KCTD20: variants seen among roughly 807,000 people sequenced by gnomAD.
KCTD20 encodes potassium channel tetramerization domain containing 20.
KCTD20 carries 30 observed loss-of-function variants against 39.6 expected under a neutral mutation model. That is an observed-to-expected ratio of 0.76 (90% confidence interval 0.57 to 1.03). KCTD20 has a LOEUF of 1.03. Ranked by LOEUF, KCTD20 falls within the 50% of genes least tolerant of loss-of-function variation. The pLI, the probability that KCTD20 is intolerant of heterozygous loss-of-function variation, is 0.00. For missense variants in KCTD20, 422 were observed against 522.0 expected (o/e 0.81, Z 1.87); for synonymous variants, 162 against 180.6 (o/e 0.90, Z 0.83).
In KCTD20 at chr6:36,490,968, G is replaced by A. The variant is rs1448847751; in HGVS notation, c.*3793G>A. 6.6e-6 allele frequency: 1 copy of A among 152,246 alleles called. No homozygotes were observed. Among genetic ancestry groups the A allele is most frequent in the Non-Finnish European group, 1.5e-5 (1 of 68,040 alleles). 9.4% of individuals were successfully genotyped at this position (152,246 alleles called of 1,614,324 possible). ...TCATGGGAGATGGAGCCACATTTGT[G>A]TTCTGGGTGGGATCACTAGTGCAGG... On this transcript the variant is annotated 3_prime_UTR_variant, in exon 8 of 8. Coordinates refer to ENST00000373731, the MANE Select transcript of KCTD20 (RefSeq NM_173562.5).
At chr6:36,444,436 T>C (rs11757842) in intron 1 of KCTD20, among the ~76,000 whole-genome samples, 36,098 of 152,186 alleles carry the variant, frequency 0.24, 4,513 homozygotes, top group East Asian at 0.39. Flanking sequence ...TATTCCGATA[T>C]TGCTCTGATG....
At chr6:36,483,017 TGA>T (rs1776301518) in intron 6 of KCTD20, among the ~76,000 whole-genome samples, 2 of 147,186 alleles carry the variant, frequency 1.4e-5, no homozygotes, top group Non-Finnish European at 3.0e-5. Flanking sequence ...CTCAGGAGGC[TGA>T]GAGGCAGGAG....
chr6:36,484,864 G>T, intron 7 of KCTD20, 40 bp downstream of exon 7: 1 of 1,214,222 alleles, frequency 8.2e-7, no homozygotes, highest in Non-Finnish European at 1.2e-6. Context: ...ATTCAGGTTG[G>T]GTCTATTGCC....
intron 7 of KCTD20, among the ~76,000 whole-genome samples, chr6:36,485,244 A>G (rs1462412606): frequency 6.6e-6 from 1 of 152,078 alleles, no homozygotes; most frequent in African/African-American, 2.4e-5. Context: ...TGTTGTGCCT[A>G]TGATCCCAGC....
chr6:36,466,011 T>A (rs149182709), intron 1 of KCTD20, among the ~76,000 whole-genome samples: 1 of 152,136 alleles, frequency 6.6e-6, no homozygotes, highest in Non-Finnish European at 1.5e-5. Context: ...CAGAGTTGTG[T>A]TGACCAAAAA....
rs58609674 is a variant in KCTD20 at position 36,479,779 on chromosome 6, A to ATTTTT, written c.658+94_658+98dup. 53 of 268,386 alleles carry ATTTTT rather than the reference A, an allele frequency of 2.0e-4. 1 individual carries two copies. Among genetic ancestry groups the ATTTTT allele is most frequent in the Middle Eastern group, 1.2e-3 (1 of 816 alleles). 16.6% of individuals were successfully genotyped at this position (268,386 alleles called of 1,614,324 possible). On this transcript the variant is annotated intron_variant, in intron 5 of 7. Coordinates refer to ENST00000373731, the MANE Select transcript of KCTD20 (RefSeq NM_173562.5). ...CTTTCAGTTTTCTTGGAAGTCACCG[A>ATTTTT]TTTTTTTTTTTTTTTTTTTTTTTTT...
intron 1 of KCTD20, among the ~76,000 whole-genome samples, chr6:36,467,921 T>A (rs971257733): frequency 2.6e-5 from 4 of 152,168 alleles, no homozygotes; most frequent in Non-Finnish European, 5.9e-5. Flanking sequence ...ATATAGTATA[T>A]AATTTGTGTG....
intron 3 of KCTD20, among the ~76,000 whole-genome samples, chr6:36,478,529 ATTC>A (rs1201405456): frequency 6.6e-6 from 1 of 152,154 alleles, no homozygotes; most frequent in Non-Finnish European, 1.5e-5. Flanking sequence ...ATCATTAATT[ATTC>A]TTTGTATTGA....
At chr6:36,459,259 T>C (rs1016910825) in intron 1 of KCTD20, among the ~76,000 whole-genome samples, 1 of 152,000 alleles carries the variant, frequency 6.6e-6, no homozygotes, top group African/African-American at 2.4e-5. Context: ...TGTAGTGAGC[T>C]GAGATCATGC....
At chr6:36,470,019 G>A in intron 1 of KCTD20, 33 bp from the exon 2 acceptor site, 4 of 1,265,584 alleles carry the variant, frequency 3.2e-6, no homozygotes, top group Non-Finnish European at 4.2e-6. Context: ...TCTGTTTTGT[G>A]AGTTCTAAAT....
At chr6:36,466,106 T>A (rs1449415357) in intron 1 of KCTD20, among the ~76,000 whole-genome samples, 2 of 151,420 alleles carry the variant, frequency 1.3e-5, no homozygotes, top group Non-Finnish European at 2.9e-5. Flanking sequence ...GGAGTCTCTC[T>A]CTGTCACCCA....
intron 5 of KCTD20, among the ~76,000 whole-genome samples, chr6:36,481,243 G>A (rs773385053): frequency 2.0e-4 from 30 of 152,062 alleles, no homozygotes; most frequent in Non-Finnish European, 4.0e-4. Flanking sequence ...TTCAGAAGAG[G>A]TACTACAAAG....
At chr6:36,480,391 C>T (rs1285458599) in intron 5 of KCTD20, among the ~76,000 whole-genome samples, 1 of 145,840 alleles carries the variant, frequency 6.9e-6, no homozygotes, top group Non-Finnish European at 1.5e-5. Context: ...TGGCCAGGTT[C>T]TCCTGATCAT....
intron 3 of KCTD20, among the ~76,000 whole-genome samples, chr6:36,477,481 CTTT>C (rs760205169): frequency 4.6e-5 from 6 of 130,940 alleles, no homozygotes; most frequent in Non-Finnish European, 4.8e-5. Context: ...ATTTTCTTTT[CTTT>C]TTTTTTTTTT....
chr6:36,480,174 A>C (rs1236366864), intron 5 of KCTD20, among the ~76,000 whole-genome samples: 2 of 152,176 alleles, frequency 1.3e-5, no homozygotes, highest in East Asian at 3.9e-4. Context: ...GATACTAACT[A>C]ACCCTTTTCC....
chr6:36,444,572 C>T (rs1774982351), intron 1 of KCTD20, among the ~76,000 whole-genome samples: 1 of 152,146 alleles, frequency 6.6e-6, no homozygotes. Flanking sequence ...CCAGGGCAGC[C>T]AATGCCATAT....
chr6:36,468,879 C>T (rs1775834881), intron 1 of KCTD20, among the ~76,000 whole-genome samples: 1 of 152,148 alleles, frequency 6.6e-6, no homozygotes, highest in Non-Finnish European at 1.5e-5. Context: ...TTCCTCTATC[C>T]ATCCTATCAA....
At chr6:36,476,925 T>TTTTAG (rs1413936598) in intron 3 of KCTD20, among the ~76,000 whole-genome samples, 1 of 152,166 alleles carries the variant, frequency 6.6e-6, no homozygotes, top group Non-Finnish European at 1.5e-5. Context: ...AGGCTGGCTG[T>TTTTAG]TTTAGGTATG....
At chr6:36,458,730 C>T (rs1775514863) in intron 1 of KCTD20, among the ~76,000 whole-genome samples, 1 of 151,714 alleles carries the variant, frequency 6.6e-6, no homozygotes, top group Admixed American at 6.6e-5. Context: ...GGTGGCCATG[C>T]CTGTAATCCC....
Sources: allele counts gnomAD v4.1 joint callset (sites outside exome capture counted in the v4.1 genomes callset), GRCh38; gene constraint gnomAD v4.1.1; transcripts MANE v1.5; gene names NCBI Gene and HGNC (gene_info 2026-07-23, HGNC 2026-07-21).